Variants in NUTF2 observed in about 807,000 individuals in gnomAD.
NUTF2 encodes nuclear transport factor 2.
A neutral mutation model predicts 18.5 loss-of-function variants in NUTF2; 3 were observed. The observed-to-expected ratio is 0.16, with a 90% confidence interval of 0.07 to 0.42. NUTF2 has a LOEUF of 0.42. NUTF2 is among the 10% of genes least tolerant of loss of function. The pLI is 0.99. For synonymous variants in NUTF2, 51 were observed against 57.9 expected, an observed-to-expected ratio of 0.88 and a Z score of 0.54; for missense variants, 44 against 160.7, an observed-to-expected ratio of 0.27 and a Z score of 3.93.
chr16:67,859,854 A>G (rs1260031462), intron 1 of NUTF2, among the ~76,000 whole-genome samples: 1 of 137,072 alleles, frequency 7.3e-6, no homozygotes, highest in African/African-American at 2.8e-5. Flanking sequence ...CACCCAGGCT[A>G]GAATGCCGTG....
intron 1 of NUTF2, chr16:67,855,887 C>CGGGG (rs796843812): frequency 2.0e-4 from 37 of 186,786 alleles, no homozygotes; most frequent in African/African-American, 1.7e-3. Flanking sequence ...TTTTTTTTGG[C>CGGGG]GGGGGGGGGG....
intron 3 of NUTF2, 40 bp from the exon 4 acceptor site, chr16:67,868,461 C>T: frequency 6.2e-7 from 1 of 1,613,772 alleles, no homozygotes; most frequent in Non-Finnish European, 8.5e-7. Context: ...CCCACCCCTT[C>T]TGGCCTTGGT....
intron 1 of NUTF2, among the ~76,000 whole-genome samples, chr16:67,849,753 G>A (rs1269742358): frequency 6.6e-6 from 1 of 151,660 alleles, no homozygotes; most frequent in Admixed American, 6.6e-5. Context: ...CCGCCTCCCG[G>A]GTTCACAGCA....
intron 1 of NUTF2, among the ~76,000 whole-genome samples, chr16:67,862,836 G>T (rs1179940558): frequency 1.3e-5 from 2 of 152,140 alleles, no homozygotes; most frequent in African/African-American, 4.8e-5. Context: ...CCCTTTTCAT[G>T]CCCCGGGACA....
intron 2 of NUTF2, among the ~76,000 whole-genome samples, chr16:67,866,749 A>C (rs2057974999): frequency 6.7e-6 from 1 of 149,712 alleles, no homozygotes; most frequent in Admixed American, 6.6e-5. Flanking sequence ...TTACAGGCAT[A>C]AGCCACCGCG....
intron 1 of NUTF2, among the ~76,000 whole-genome samples, chr16:67,861,362 C>G (rs1299835535): frequency 6.6e-6 from 1 of 152,210 alleles, no homozygotes; most frequent in Non-Finnish European, 1.5e-5. Flanking sequence ...CTTGGAAACA[C>G]TTAAAATTGG....
chr16:67,858,707 G>T (rs754083286), intron 1 of NUTF2, among the ~76,000 whole-genome samples: 1 of 152,130 alleles, frequency 6.6e-6, no homozygotes, highest in East Asian at 1.9e-4. Flanking sequence ...AGCCAGGAGG[G>T]CCAGGTCACC....
At chr16:67,848,769 AAGCAGC>A (rs981691542) in intron 1 of NUTF2, among the ~76,000 whole-genome samples, 2 of 152,016 alleles carry the variant, frequency 1.3e-5, no homozygotes, top group East Asian at 3.9e-4. Context: ...AAAAAAAAAA[AAGCAGC>A]AGCAGCTCAA....
chr16:67,867,318 G>C (rs1473233977), intron 2 of NUTF2, among the ~76,000 whole-genome samples: 1 of 152,118 alleles, frequency 6.6e-6, no homozygotes. Context: ...GAGTTAGCAA[G>C]GTCCTAAAAG....
chr16:67,848,374 G>A (rs1342975090), intron 1 of NUTF2, among the ~76,000 whole-genome samples: 2 of 152,152 alleles, frequency 1.3e-5, no homozygotes, highest in African/African-American at 2.4e-5. Context: ...CCTGAGGTCC[G>A]GGGTTCCAGA....
intron 1 of NUTF2, among the ~76,000 whole-genome samples, chr16:67,850,618 G>C (rs2057847437): frequency 6.6e-6 from 1 of 152,180 alleles, no homozygotes; most frequent in Non-Finnish European, 1.5e-5. Flanking sequence ...TCAGATATAA[G>C]AGAAGTGGCC....
chr16:67,870,655 A>G (rs572696200), intron 4 of NUTF2, 145 bp from the exon 5 acceptor site: 3 of 703,018 alleles, frequency 4.3e-6, no homozygotes, highest in East Asian at 2.5e-5. Context: ...CACATTCACA[A>G]GTACCCCTTG....
At chr16:67,867,961 C>T (rs752834042) in intron 2 of NUTF2, among the ~76,000 whole-genome samples, 5 of 152,220 alleles carry the variant, frequency 3.3e-5, no homozygotes, top group Non-Finnish European at 7.3e-5. Flanking sequence ...TCTGGGATTA[C>T]AGGCGTGAGC....
At chr16:67,857,661 A>C (rs2057906797) in intron 1 of NUTF2, among the ~76,000 whole-genome samples, 1 of 152,204 alleles carries the variant, frequency 6.6e-6, no homozygotes, top group South Asian at 2.1e-4. Flanking sequence ...GATGGGACAG[A>C]GTCAAAGGGT....
At chr16:67,850,391 A>G (rs1213091090) in intron 1 of NUTF2, among the ~76,000 whole-genome samples, 7 of 151,630 alleles carry the variant, frequency 4.6e-5, no homozygotes, top group Non-Finnish European at 1.0e-4. Flanking sequence ...TGTTTTTAGT[A>G]GAGACAGGGT....
intron 1 of NUTF2, among the ~76,000 whole-genome samples, chr16:67,848,391 T>C (rs1398993148): frequency 2.0e-5 from 3 of 152,202 alleles, no homozygotes; most frequent in African/African-American, 7.2e-5. Context: ...CAGACTAGCA[T>C]GGCCAACATG....
chr16:67,847,177 C>T (rs1209668557), intron 1 of NUTF2, 192 bp downstream of exon 1: 1 of 151,702 alleles, frequency 6.6e-6, no homozygotes, highest in Non-Finnish European at 1.5e-5. Flanking sequence ...GAGGCGGCGG[C>T]CGGGGGTAAC....
At chr16:67,855,972 G>A (rs2057893785) in intron 1 of NUTF2, 3 of 1,216,296 alleles carry the variant, frequency 2.5e-6, no homozygotes, top group Non-Finnish European at 3.6e-6. Context: ...TTCTGGAACT[G>A]CTTCTTGGTG....
At chr16:67,867,550 G>T (rs1028010225) in intron 2 of NUTF2, among the ~76,000 whole-genome samples, 3 of 152,084 alleles carry the variant, frequency 2.0e-5, no homozygotes, top group African/African-American at 7.2e-5. Flanking sequence ...GAGGGTCCCA[G>T]ACTAGGCCTT....
Sources: gnomAD v4.1 joint callset for allele counts (sites outside exome capture counted in the v4.1 genomes callset) on GRCh38, gnomAD v4.1.1 for gene constraint, MANE v1.5 for transcripts, NCBI Gene and HGNC (gene_info 2026-07-23, HGNC 2026-07-21) for gene names.